Variants in LRRC28 observed in about 807,000 individuals in gnomAD.
The protein encoded by LRRC28 is leucine rich repeat containing 28.
Under a neutral mutation model 45.7 loss-of-function variants are expected in LRRC28, and 39 were observed. The observed-to-expected ratio is 0.85, with a 90% CI of 0.66 to 1.12. The LOEUF (loss-of-function observed/expected upper bound fraction) is 1.12. Ranked by LOEUF, LRRC28 falls within the 50% of genes most tolerant of loss-of-function variation. The pLI is 0.00. For synonymous variants in LRRC28, 206 were observed against 178.8 expected, an observed-to-expected ratio of 1.15 and a Z score of -1.22; for missense variants, 435 against 438.5, an observed-to-expected ratio of 0.99 and a Z score of 0.07.
intron 5 of LRRC28, among the ~76,000 whole-genome samples, chr15:99,318,761 A>G (rs1285280033): frequency 1.3e-5 from 2 of 152,066 alleles, no homozygotes; most frequent in Non-Finnish European, 2.9e-5. Flanking sequence ...AGAAATCAAA[A>G]TTATATATTG....
At chr15:99,298,908 C>T (rs1319365767) in intron 5 of LRRC28, among the ~76,000 whole-genome samples, 1 of 152,132 alleles carries the variant, frequency 6.6e-6, no homozygotes, top group Non-Finnish European at 1.5e-5. Flanking sequence ...GGTGTTTCAC[C>T]ATGTTAGCCA....
At position 99,375,671 on chromosome 15, in the gene LRRC28, A is replaced by G. The variant is rs191391054; in HGVS notation, c.1032-10359A>G. ...GGTTGTAGGACTATTCAGGTTGTCT[A>G]TTTCATCTCAGTTGAGTTTTGGTAG... On this transcript the variant is annotated intron_variant, in intron 9 of 9. Transcript: ENST00000301981. 1.9e-3 allele frequency among the ~76,000 whole-genome samples: 290 copies of G among 152,156 alleles called. 2 individuals are homozygous for G. The highest frequency in any genetic ancestry group is 5.9e-3 in the African/African-American group (246 of 41,542).
chr15:99,298,340 T>G (rs12592864), intron 5 of LRRC28, among the ~76,000 whole-genome samples: 14,675 of 152,142 alleles, frequency 0.096, 990 homozygotes, highest in East Asian at 0.32. Flanking sequence ...CAGATGTGAT[T>G]TGTGGGGACT....
At chr15:99,304,180 G>T (rs1955092900) in intron 5 of LRRC28, among the ~76,000 whole-genome samples, 2 of 152,230 alleles carry the variant, frequency 1.3e-5, no homozygotes, top group Admixed American at 1.3e-4. Context: ...TGCAGTGGCA[G>T]AGTTGAGTAG....
At chr15:99,366,656 A>G (rs1567701735) in intron 9 of LRRC28, among the ~76,000 whole-genome samples, 2 of 152,090 alleles carry the variant, frequency 1.3e-5, no homozygotes, top group Non-Finnish European at 2.9e-5. Context: ...AAATCCTATC[A>G]TGAGGATTCC....
At chr15:99,341,441 G>T (rs1956509909) in intron 6 of LRRC28, among the ~76,000 whole-genome samples, 1 of 152,062 alleles carries the variant, frequency 6.6e-6, no homozygotes. Context: ...TTGCATAAGG[G>T]TTTTGCTCTT....
intron 9 of LRRC28, among the ~76,000 whole-genome samples, chr15:99,379,840 G>C (rs1419337426): frequency 2.0e-5 from 3 of 152,206 alleles, no homozygotes; most frequent in Admixed American, 2.0e-4. Context: ...TTTCCATGTA[G>C]TTGAGGAGTT....
intron 5 of LRRC28, among the ~76,000 whole-genome samples, chr15:99,308,321 C>G (rs967784010): frequency 3.9e-5 from 6 of 151,962 alleles, no homozygotes; most frequent in Non-Finnish European, 5.9e-5. Context: ...AATACTTAAT[C>G]TTTAAAAAAA....
chr15:99,272,621 G>T (rs1281357081), intron 2 of LRRC28, among the ~76,000 whole-genome samples: 3 of 152,148 alleles, frequency 2.0e-5, no homozygotes, highest in Non-Finnish European at 4.4e-5. Context: ...TTCAGAATTT[G>T]GGGTAAGTTT....
At chr15:99,280,710 T>C (rs1377214052) in intron 3 of LRRC28, among the ~76,000 whole-genome samples, 1 of 152,152 alleles carries the variant, frequency 6.6e-6, no homozygotes. Context: ...TTCTTACCTT[T>C]GAGGTTCATG....
chr15:99,320,199 A>T (rs1428901996), intron 5 of LRRC28, among the ~76,000 whole-genome samples: 1 of 152,126 alleles, frequency 6.6e-6, no homozygotes, highest in East Asian at 1.9e-4. Context: ...TGCTAATATA[A>T]TTTTTTTAAG....
rs1958101556 is a variant in LRRC28, at chr15:99,388,717, C to G, written c.*2615C>G. On this transcript the variant is annotated 3_prime_UTR_variant, in exon 10 of 10. Transcript: ENST00000301981. The stretch of plus-strand genomic sequence containing the variant: ...TTATATATGTTGTTTTCTTGAGCAA[C>G]AGTTACACTAGGTAGAAAAGTATTC... The G allele has an allele frequency of 6.6e-6, 1 of 152,160 alleles. No homozygotes were observed. Among genetic ancestry groups the G allele is most frequent in the Non-Finnish European group, 1.5e-5 (1 of 68,020 alleles). The allele number at this position is 152,160 out of a possible 1,614,324, so 9.4% of individuals were successfully genotyped here. A position where few individuals can be genotyped will look rare whatever the true frequency, so the allele number is the denominator to read the frequency against.
chr15:99,340,301 C>T (rs933197421), intron 6 of LRRC28, among the ~76,000 whole-genome samples: 5 of 152,220 alleles, frequency 3.3e-5, no homozygotes, highest in Non-Finnish European at 7.3e-5. Context: ...TTTCAAAGCA[C>T]ATGCTGAAAT....
At chr15:99,252,396 G>C (rs1218926905) in intron 1 of LRRC28, among the ~76,000 whole-genome samples, 2 of 152,198 alleles carry the variant, frequency 1.3e-5, no homozygotes, top group Non-Finnish European at 2.9e-5. Context: ...TTTTAACAGA[G>C]TGTAATGGTG....
chr15:99,293,630 A>C lies in LRRC28; in HGVS notation c.385+5679A>C, dbSNP rs900273648. Among the ~76,000 whole-genome samples the C allele has an allele frequency of 1.1e-4, 15 of 142,428 alleles. No individual in the cohort carries two copies. The East Asian group carries it at 1.4e-3, about 13-fold the overall frequency. 93.4% of individuals were successfully genotyped at this position (142,428 alleles called of 152,430 possible). On this transcript the variant is annotated intron_variant, in intron 5 of 9. Transcript: ENST00000301981. ...AAAAAAAAAAAAAAAAAAAAAAAAAAAAACCTAAACAATATTTACCTGAAT... is the reference window on the plus strand; with the variant it reads ...AAAAAAAAAAAAAAAAAAAAAAAAACAAACCTAAACAATATTTACCTGAAT...
At chr15:99,314,438 TAAATAAATAAA>T (rs1955522027) in intron 5 of LRRC28, among the ~76,000 whole-genome samples, 1 of 69,216 alleles carries the variant, frequency 1.4e-5, no homozygotes, top group Non-Finnish European at 2.4e-5. Context: ...ACCTTGTCTC[TAAATAAATAAA>T]TAAATAAATA....
intron 5 of LRRC28, among the ~76,000 whole-genome samples, chr15:99,315,735 A>G (rs1955569885): frequency 6.6e-6 from 1 of 152,178 alleles, no homozygotes; most frequent in African/African-American, 2.4e-5. Context: ...AGCACCAACT[A>G]TGATAATAGT....
In LRRC28 at chr15:99,290,127, A is replaced by G. The variant is rs184185144; in HGVS notation, c.385+2176A>G. On this transcript the variant is annotated intron_variant, in intron 5 of 9. Transcript: ENST00000301981. ...ACAAAAATTAGCCGGGTGTGGTGGC[A>G]TTGTGCCTATAGTTTCAGCTACTTG... 3.9e-4 allele frequency among the ~76,000 whole-genome samples: 59 copies of G among 151,396 alleles called. 1 individual carries two copies. Among genetic ancestry groups the G allele is most frequent in the South Asian group, 4.2e-4 (2 of 4,778 alleles).
chr15:99,254,951 C>T (rs894472534), intron 1 of LRRC28, among the ~76,000 whole-genome samples: 5 of 152,166 alleles, frequency 3.3e-5, no homozygotes, highest in Non-Finnish European at 7.3e-5. Flanking sequence ...TAGAATAATA[C>T]AGGATTCTTG....
Sources: gnomAD v4.1 joint callset for allele counts (sites outside exome capture counted in the v4.1 genomes callset) on GRCh38, gnomAD v4.1.1 for gene constraint, MANE v1.5 for transcripts, NCBI Gene and HGNC (gene_info 2026-07-23, HGNC 2026-07-21) for gene names.